The following SLC9A9 variants were observed in gnomAD, a reference collection of about 807,000 sequenced individuals.
SLC9A9 encodes the protein sodium/hydrogen exchanger 9.
SLC9A9 carries 62 observed loss-of-function variants against 77.8 expected under a neutral mutation model. That is an observed-to-expected ratio of 0.80 (90% CI 0.65 to 0.98). The LOEUF is 0.98. SLC9A9 is among the 50% of genes least tolerant of loss of function. SLC9A9 has a pLI of 0.00. For missense variants in SLC9A9, 775 were observed against 774.9 expected (o/e 1.00, Z 0.00); for synonymous variants, 320 against 283.5 (o/e 1.13, Z -1.29).
chr3:143,275,337 A>C (rs1377317601), intron 14 of SLC9A9, among the ~76,000 whole-genome samples: 1 of 152,168 alleles, frequency 6.6e-6, no homozygotes, highest in African/African-American at 2.4e-5. Flanking sequence ...AATTTTGTTA[A>C]AACTTATCTA....
intron 9 of SLC9A9, among the ~76,000 whole-genome samples, chr3:143,523,347 TACAATACTCCAAGACCCTGAAGA>T (rs540443741): frequency 6.6e-6 from 1 of 152,288 alleles, no homozygotes; most frequent in East Asian, 1.9e-4. Context: ...TTTTGTCTTT[TACAATACTCCAAGACCCTGAAGA>T]ACTTCATATT....
At chr3:143,472,469 T>C (rs2035395062) in intron 11 of SLC9A9, among the ~76,000 whole-genome samples, 1 of 152,214 alleles carries the variant, frequency 6.6e-6, no homozygotes, top group Non-Finnish European at 1.5e-5. Context: ...TCAGTTCTTT[T>C]CTCCTATAAC....
intron 6 of SLC9A9, among the ~76,000 whole-genome samples, chr3:143,611,345 G>A (rs922116510): frequency 2.0e-5 from 3 of 151,902 alleles, no homozygotes; most frequent in Non-Finnish European, 4.4e-5. Context: ...AGAGAAGAGA[G>A]AAAAGATGAA....
chr3:143,728,412 G>A (rs1024678484), intron 4 of SLC9A9, among the ~76,000 whole-genome samples: 2 of 152,154 alleles, frequency 1.3e-5, no homozygotes, highest in African/African-American at 4.8e-5. Flanking sequence ...ATGGACACAG[G>A]CCTTGAGGCT....
At chr3:143,340,688 T>C (rs891883142) in intron 14 of SLC9A9, among the ~76,000 whole-genome samples, 2 of 152,172 alleles carry the variant, frequency 1.3e-5, no homozygotes, top group African/African-American at 4.8e-5. Flanking sequence ...ATATTGAGTT[T>C]TTGCCCTTAC....
At chr3:143,472,534 T>C (rs1286627287) in intron 11 of SLC9A9, among the ~76,000 whole-genome samples, 1 of 152,224 alleles carries the variant, frequency 6.6e-6, no homozygotes, top group Non-Finnish European at 1.5e-5. Context: ...AATGAGACAC[T>C]GTTTTCTCCA....
At chr3:143,370,603 C>CACACA (rs2033038288) in intron 13 of SLC9A9, among the ~76,000 whole-genome samples, 1 of 78,288 alleles carries the variant, frequency 1.3e-5, no homozygotes, top group Admixed American at 1.3e-4. Flanking sequence ...ACACACACAC[C>CACACA]CTAACAAATA....
At chr3:143,548,337 G>A (rs138697431) in intron 9 of SLC9A9, among the ~76,000 whole-genome samples, 1,601 of 152,198 alleles carry the variant, frequency 0.011, 11 homozygotes, top group Middle Eastern at 0.02. Flanking sequence ...AAAGGGGTAG[G>A]AGGAAGGCTG....
At chr3:143,497,979 T>C (rs777730345) in intron 9 of SLC9A9, among the ~76,000 whole-genome samples, 8 of 152,190 alleles carry the variant, frequency 5.3e-5, no homozygotes, top group Non-Finnish European at 7.3e-5. Context: ...CTATTTGTTA[T>C]TGAGATGTGA....
chr3:143,507,368 C>T (rs776815557), intron 9 of SLC9A9, among the ~76,000 whole-genome samples: 16 of 152,126 alleles, frequency 1.1e-4, no homozygotes, highest in South Asian at 4.2e-4. Flanking sequence ...CCACAGCGCC[C>T]GGCTAATTTT....
intron 15 of SLC9A9, among the ~76,000 whole-genome samples, chr3:143,267,799 G>T (rs1559845485): frequency 6.6e-6 from 1 of 152,316 alleles, no homozygotes; most frequent in South Asian, 2.1e-4. Flanking sequence ...TCCATACAGA[G>T]GTTCCCTTGA....
At position 143,356,149 on chromosome 3, in the gene SLC9A9, C is replaced by T. The variant is rs559231842; in HGVS notation, c.1604+7335G>A. On this transcript the variant is annotated intron_variant, in intron 14 of 15. Coordinates refer to ENST00000316549, the MANE Select transcript of SLC9A9 (RefSeq NM_173653.4). Reference sequence around the variant, plus strand: ...CTAGGTAACAATTCATAAAGTCATACGTGTAGTCACTTGTCAGGTCTCCAG... The same window carrying T: ...CTAGGTAACAATTCATAAAGTCATATGTGTAGTCACTTGTCAGGTCTCCAG... 7.2e-5 allele frequency among the ~76,000 whole-genome samples: 11 copies of T among 152,254 alleles called. No homozygotes were observed. The East Asian group carries it at 9.7e-4, about 13-fold the overall frequency.
chr3:143,549,397 G>GA (rs1184267702), intron 9 of SLC9A9, among the ~76,000 whole-genome samples: 1 of 151,896 alleles, frequency 6.6e-6, no homozygotes, highest in Non-Finnish European at 1.5e-5. Context: ...CATATTATAA[G>GA]AAAAAAATAA....
intron 9 of SLC9A9, among the ~76,000 whole-genome samples, chr3:143,522,807 C>T (rs2036335356): frequency 6.6e-6 from 1 of 152,038 alleles, no homozygotes; most frequent in African/African-American, 2.4e-5. Flanking sequence ...CTAGAAAACT[C>T]TAAAAATATA....
chr3:143,412,949 G>A (rs990433685), intron 12 of SLC9A9, among the ~76,000 whole-genome samples: 1 of 152,160 alleles, frequency 6.6e-6, no homozygotes, highest in African/African-American at 2.4e-5. Flanking sequence ...CTCTAGGTGG[G>A]AGAAAGGGCC....
chr3:143,776,313 G>A (rs1438737467), intron 4 of SLC9A9, among the ~76,000 whole-genome samples: 2 of 152,138 alleles, frequency 1.3e-5, no homozygotes. Flanking sequence ...TTGGGCCAAC[G>A]ATAGAATTTT....
At chr3:143,659,387 A>G (rs941543230) in intron 5 of SLC9A9, among the ~76,000 whole-genome samples, 2 of 152,358 alleles carry the variant, frequency 1.3e-5, no homozygotes, top group East Asian at 3.9e-4. Context: ...ATCATGGTAC[A>G]CACAAAATAA....
intron 12 of SLC9A9, among the ~76,000 whole-genome samples, chr3:143,439,603 G>A (rs1460164153): frequency 6.6e-6 from 1 of 152,186 alleles, no homozygotes; most frequent in Non-Finnish European, 1.5e-5. Flanking sequence ...GTCACACCTG[G>A]CTTGAGAGGT....
chr3:143,842,252 G>A (rs2009726275), intron 1 of SLC9A9, among the ~76,000 whole-genome samples: 1 of 152,058 alleles, frequency 6.6e-6, no homozygotes, highest in Non-Finnish European at 1.5e-5. Context: ...GTGGTGGTGG[G>A]CGCCTGTAGT....
Sources: gnomAD v4.1 joint callset for allele counts (sites outside exome capture counted in the v4.1 genomes callset) on GRCh38, gnomAD v4.1.1 for gene constraint, MANE v1.5 for transcripts, NCBI Gene and HGNC (gene_info 2026-07-23, HGNC 2026-07-21) for gene names.